Variants in SERPINB3 observed in about 807,000 individuals in gnomAD.
The protein encoded by SERPINB3 is serpin B3.
In SERPINB3, 33 loss-of-function variants were observed where a neutral mutation model predicts 33.0. That is an observed-to-expected ratio of 1.00 (90% CI 0.76 to 1.34). SERPINB3 has a LOEUF of 1.34. SERPINB3 is among the 40% of genes most tolerant of loss of function. The pLI, the probability that SERPINB3 is intolerant of heterozygous loss-of-function variation, is 0.00. For missense variants in SERPINB3, 518 were observed against 461.5 expected, an observed-to-expected ratio of 1.12 and a Z score of -1.12; for synonymous variants, 200 against 170.9, an observed-to-expected ratio of 1.17 and a Z score of -1.33.
rs1393410986 is a variant in SERPINB3 at position 63,660,788 on chromosome 18, T to C, written c.222+12A>G. The C allele has an allele frequency of 1.2e-6, 2 of 1,613,304 alleles. No individual in the cohort carries two copies. Among genetic ancestry groups the C allele is most frequent in the African/African-American group, 2.7e-5 (2 of 74,984 alleles). ...GGGATCTAAAGCTGAACCATAGTGC[T>C]CTGTGACTCACATGATATGTTGCAG... is the stretch of plus-strand genomic sequence containing the variant. On this transcript the variant is annotated intron_variant, in intron 3 of 7. Transcript: ENST00000283752.
Position 63,657,428 on chromosome 18 carries a change from T to C in SERPINB3, c.470-16A>G, listed in dbSNP as rs1297647188. 1 of 1,582,640 alleles carries C rather than the reference T, an allele frequency of 6.3e-7. No homozygotes were observed. Among genetic ancestry groups the C allele is most frequent in the East Asian group, 2.3e-5 (1 of 44,278 alleles). On this transcript the variant is annotated splice_polypyrimidine_tract_variant and intron_variant, in intron 5 of 7. Transcript: ENST00000283752. ...TTAATTTTTTCTGCAAGGGAAAGAATAAAAGAGTCTTTTACACAAGCTACA... is the reference window on the plus strand; with the variant it reads ...TTAATTTTTTCTGCAAGGGAAAGAACAAAAGAGTCTTTTACACAAGCTACA...
At position 63,658,379 on chromosome 18, in the gene SERPINB3, A is replaced by T. The variant is rs918248023; in HGVS notation, c.469+134T>A. The T allele has an allele frequency of 4.6e-5, 32 of 688,566 alleles. No homozygotes were observed. The African/African-American group carries it at 4.9e-4, about 10-fold the overall frequency. 42.7% of individuals were successfully genotyped at this position (688,566 alleles called of 1,614,324 possible). On this transcript the variant is annotated intron_variant, in intron 5 of 7. Transcript: ENST00000283752. ...TCATAATCATTTGGAAAAACTCTTC[A>T]TCTGGAGTGCCCTCTTCTTCCCTCC...
rs144855109 is a variant in SERPINB3 at position 63,660,622 on chromosome 18, C to T, written c.222+178G>A. 595 of 736,764 alleles carry T rather than the reference C, an allele frequency of 8.1e-4. 3 individuals are homozygous for T. The African/African-American group carries it at 9.3e-3, about 12-fold the overall frequency. The allele number at this position is 736,764 out of a possible 1,614,324, so 45.6% of individuals were successfully genotyped here. On this transcript the variant is annotated intron_variant, in intron 3 of 7. Transcript: ENST00000283752. ...TACAGTGCTGACTGTCTTTCAGTAA[C>T]GAAGAAAGGAGGAATAATAATTATG...
chr18:63,656,795 G>C, intron 7 of SERPINB3, 36 bp downstream of exon 7: 2 of 1,543,690 alleles, frequency 1.3e-6, no homozygotes, highest in East Asian at 4.6e-5. Flanking sequence ...AAAATGTCAG[G>C]CAGTAGAAGG....
intron 4 of SERPINB3, among the ~76,000 whole-genome samples, chr18:63,658,908 A>C (rs1359215864): frequency 6.6e-6 from 1 of 152,196 alleles, no homozygotes; most frequent in African/African-American, 2.4e-5. Context: ...GCTTCCCTGA[A>C]GGAGATTCAT....
In SERPINB3 at chr18:63,660,722, T is replaced by C. The variant is rs1157483424; in HGVS notation, c.222+78A>G. The C allele has an allele frequency of 3.8e-6, 6 of 1,594,994 alleles. No individual in the cohort carries two copies. In the African/African-American group the frequency reaches 8.1e-5, roughly 21 times the overall value. ...ATTTTCCCTAAAAATGGCCTTTTCT[T>C]AGTTTCTGTGAAGTTCCAGGTTCAA... On this transcript the variant is annotated intron_variant, in intron 3 of 7. Transcript: ENST00000283752.
chr18:63,658,890 C>T (rs1913568153), intron 4 of SERPINB3, among the ~76,000 whole-genome samples: 1 of 152,162 alleles, frequency 6.6e-6, no homozygotes, highest in African/African-American at 2.4e-5. Context: ...TTGCAAACTG[C>T]AGAGCAGGCT....
intron 4 of SERPINB3, 123 bp from the exon 5 acceptor site, chr18:63,658,753 T>C: frequency 1.4e-6 from 1 of 723,672 alleles, no homozygotes; most frequent in Non-Finnish European, 2.2e-6. Context: ...CAGTATCTCC[T>C]GTCCATGCAT....
At chr18:63,657,145 A>G (rs1404590739) in intron 6 of SERPINB3, 125 bp downstream of exon 6, 4 of 900,968 alleles carry the variant, frequency 4.4e-6, no homozygotes, top group African/African-American at 1.7e-5. Flanking sequence ...AAATAAAGTT[A>G]TAAGACTAAA....
In SERPINB3 at chr18:63,661,131, T is replaced by C. The variant is rs774587965; in HGVS notation, c.86A>G (p.Tyr29Cys). The stretch of plus-strand genomic sequence containing the variant: ...TGCTGATGTGATGCTGATAGGGGAA[T>C]AGAAGATGTTGTTCTCTTTTGATTT... Reference protein sequence around the residue: ...FRKSKENNIFYSPISITSALG... With the variant: ...FRKSKENNIFCSPISITSALG... The change falls in exon 2 of 8, where the codon TAT becomes TGT. Residue 29 changes from tyrosine (Y) to cysteine (C), a missense_variant. Coordinates refer to ENST00000283752, the MANE Select transcript of SERPINB3 (RefSeq NM_006919.3). 1.9e-6 allele frequency: 3 copies of C among 1,613,560 alleles called. No individual in the cohort carries two copies. The highest frequency in any genetic ancestry group is 2.2e-5 in the South Asian group (2 of 91,070).
At chr18:63,659,840 C>T (rs1913595867) in intron 3 of SERPINB3, among the ~76,000 whole-genome samples, 1 of 152,160 alleles carries the variant, frequency 6.6e-6, no homozygotes, top group Non-Finnish European at 1.5e-5. Context: ...CAGTTAAACT[C>T]TCAGCTCCTT....
At chr18:63,660,630 G>C (rs754678205) in intron 3 of SERPINB3, 170 bp downstream of exon 3, 1 of 758,054 alleles carries the variant, frequency 1.3e-6, no homozygotes, top group Non-Finnish European at 2.2e-6. Flanking sequence ...AACGAAGAAA[G>C]GAGGAATAAT....
At chr18:63,659,606 G>T (rs1913589467) in intron 3 of SERPINB3, 79 bp from the exon 4 acceptor site, 29 of 1,586,506 alleles carry the variant, frequency 1.8e-5, no homozygotes, top group Non-Finnish European at 2.5e-5. Flanking sequence ...TGTTAGATCA[G>T]TCCCTAATGG....
rs540116735 is a variant in SERPINB3 at position 63,659,264 on chromosome 18, G to A, written c.351+135C>T. ...TCCAGTGGGGGAGAGTTGTGGAAAC[G>A]GAGCTATTGCACTCTGAGTAAATGC... is the stretch of plus-strand genomic sequence containing the variant. On this transcript the variant is annotated intron_variant, in intron 4 of 7. Coordinates refer to ENST00000283752, the MANE Select transcript of SERPINB3 (RefSeq NM_006919.3). 2.7e-5 allele frequency: 25 copies of A among 909,982 alleles called. No homozygotes were observed. In the African/African-American group the frequency reaches 3.3e-4, roughly 12 times the overall value. The allele number at this position is 909,982 out of a possible 1,614,324, so 56.4% of individuals were successfully genotyped here.
chr18:63,655,661 G>A lies in SERPINB3; in HGVS notation c.1169C>T (p.Pro390Leu), dbSNP rs756523679. ...SILFYGRFSS[P>L] The stretch of plus-strand genomic sequence containing the variant: ...GGAGTGACAGACTAATTGCATCTAC[G>A]GGGATGAGAATCTGCCATAGAAGAG... The change falls in exon 8 of 8, where the codon CCG becomes CTG. Residue 390 changes from proline to leucine, a missense_variant. Physicochemically the swap from Pro to Leu is moderately conservative, Grantham distance 98. Coordinates refer to ENST00000283752, the MANE Select transcript of SERPINB3 (RefSeq NM_006919.3). 46 of 1,603,950 alleles carry A rather than the reference G, an allele frequency of 2.9e-5. No homozygotes were observed. The highest frequency in any genetic ancestry group is 2.1e-4 in the South Asian group (19 of 89,748).
At position 63,656,800 on chromosome 18, in the gene SERPINB3, A is replaced by C. The variant is rs1353741277; in HGVS notation, c.768+31T>G. The C allele has an allele frequency of 4.5e-6, 7 of 1,555,976 alleles. No individual in the cohort carries two copies. The African/African-American group carries it at 8.1e-5, about 18-fold the overall frequency. On this transcript the variant is annotated intron_variant, in intron 7 of 7. Transcript: ENST00000283752. ...TATCTTTGGAAAAATGTCAGGCAGT[A>C]GAAGGAAGAGTTGTAGATGCAAGTT...
chr18:63,656,948 T>A lies in SERPINB3; in HGVS notation c.651A>T (p.Thr217=). The stretch of plus-strand genomic sequence containing the variant: ...CCTCCAGCGAGGCAAAATGAAAAGA[T>A]GTGTATTGCCTCATCATCTGTATGG... ...YKSIQMMRQY[T]SFHFASLEDV... is the part of the protein sequence containing the mutation. The change falls in exon 7 of 8, where the codon ACA becomes ACT. Residue 217 remains threonine (T), a synonymous_variant. Coordinates refer to ENST00000283752, the MANE Select transcript of SERPINB3 (RefSeq NM_006919.3). 6.2e-7 allele frequency: 1 copy of A among 1,613,298 alleles called. No individual in the cohort carries two copies. Among genetic ancestry groups the A allele is most frequent in the Non-Finnish European group, 8.5e-7 (1 of 1,179,486 alleles).
At chr18:63,656,099 G>A (rs2144491438) in intron 7 of SERPINB3, 38 bp from the exon 8 acceptor site, 1 of 1,593,488 alleles carries the variant, frequency 6.3e-7, no homozygotes, top group Non-Finnish European at 8.6e-7. Flanking sequence ...ATGACTAACT[G>A]TTGATTTCTA....
rs1568170648 is a variant in SERPINB3, at chr18:63,657,198, C to T, written c.612+72G>A. Reference sequence around the variant, plus strand: ...ATGAACAATTTTATTTTTTACTTGTCATGGTACATTCCATCAGAAATGTTT... The same window carrying T: ...ATGAACAATTTTATTTTTTACTTGTTATGGTACATTCCATCAGAAATGTTT... On this transcript the variant is annotated intron_variant, in intron 6 of 7. Coordinates refer to ENST00000283752, the MANE Select transcript of SERPINB3 (RefSeq NM_006919.3). 4 of 932,686 alleles carry T rather than the reference C, an allele frequency of 4.3e-6. No individual in the cohort carries two copies. In the African/African-American group the frequency reaches 6.7e-5, roughly 16 times the overall value. 57.8% of individuals were successfully genotyped at this position (932,686 alleles called of 1,614,324 possible). A position where few individuals can be genotyped will look rare whatever the true frequency, so the allele number is the denominator to read the frequency against.
Sources: gnomAD v4.1 joint callset for allele counts (sites outside exome capture counted in the v4.1 genomes callset) on GRCh38, gnomAD v4.1.1 for gene constraint, MANE v1.5 for transcripts, NCBI Gene and HGNC (gene_info 2026-07-23, HGNC 2026-07-21) for gene names.